The following ROGDI variants were observed in gnomAD, a reference collection of about 807,000 sequenced individuals.
The protein encoded by ROGDI is protein rogdi homolog.
In ROGDI, 46 loss-of-function variants were observed where a neutral mutation model predicts 43.1. The ratio of observed to expected loss-of-function variants is 1.07; its 90% CI spans 0.84 to 1.37. ROGDI has a LOEUF of 1.37. Among genes scored for constraint, ROGDI ranks in the 40% most tolerant of loss-of-function variants. ROGDI has a pLI of 0.00. For synonymous variants in ROGDI, 243 were observed against 162.0 expected (o/e 1.50, Z -3.80); for missense variants, 518 against 383.9 (o/e 1.35, Z -2.92).
At position 4,801,279 on chromosome 16, in the gene ROGDI, G is replaced by A. The variant is rs148051351; in HGVS notation, c.243C>T (p.Ala81=). The A allele has an allele frequency of 1.6e-4, 251 of 1,607,910 alleles. 1 individual carries two copies. The African/African-American group carries it at 2.3e-3, about 14-fold the overall frequency. ...CCGGGGGACTCACCGCCTGGCTGAGGGCATCCCCCTGCAGAGTCAGCACAC... is the reference window on the plus strand; with the variant it reads ...CCGGGGGACTCACCGCCTGGCTGAGAGCATCCCCCTGCAGAGTCAGCACAC... ...VKGVLTLQGD[A]LSQADVNLKM... The change falls in exon 4 of 11, where the codon GCC becomes GCT. Residue 81 remains alanine (A), a synonymous_variant. Transcript: ENST00000322048.
Position 4,802,594 on chromosome 16 carries a change from C to T in ROGDI, c.-23G>A. ...CATGGCCGCAGGCCGCCGCCGAGCG[C>T]CCTCCCCACCGGCCGCTGCTCCTGT... On this transcript the variant is annotated 5_prime_UTR_variant, in exon 1 of 11. Transcript: ENST00000322048. The T allele has an allele frequency of 7.7e-7, 1 of 1,302,286 alleles. No homozygotes were observed. Among genetic ancestry groups the T allele is most frequent in the Non-Finnish European group, 9.8e-7 (1 of 1,022,302 alleles). The allele number at this position is 1,302,286 out of a possible 1,614,324, so 80.7% of individuals were successfully genotyped here. A position where few individuals can be genotyped will look rare whatever the true frequency, so the allele number is the denominator to read the frequency against.
At position 4,798,549 on chromosome 16, in the gene ROGDI, G is replaced by T; in HGVS notation, c.531+20C>A. 6.6e-7 allele frequency: 1 copy of T among 1,522,970 alleles called. No individual in the cohort carries two copies. Among genetic ancestry groups the T allele is most frequent in the Non-Finnish European group, 8.8e-7 (1 of 1,136,626 alleles). 94.3% of individuals were successfully genotyped at this position (1,522,970 alleles called of 1,614,324 possible). A position where few individuals can be genotyped will look rare whatever the true frequency, so the allele number is the denominator to read the frequency against. ...CTGTGGGACCCCTCTCCTGCAGCAG[G>T]GGCTGGCAGGGGCACTGACCGTGAG... On this transcript the variant is annotated intron_variant, in intron 7 of 10. Coordinates refer to ENST00000322048, the MANE Select transcript of ROGDI (RefSeq NM_024589.3).
chr16:4,800,924 C>T (rs1007861671), intron 4 of ROGDI: 2 of 501,080 alleles, frequency 4.0e-6, no homozygotes, highest in Admixed American at 3.7e-5. Flanking sequence ...CCTCCCCCCA[C>T]GCCTTGGTGC....
chr16:4,801,464 G>A (rs1343517088), intron 3 of ROGDI, 39 bp downstream of exon 3: 3 of 1,582,762 alleles, frequency 1.9e-6, no homozygotes, highest in Non-Finnish European at 2.6e-6. Context: ...TACCCCCCAA[G>A]GTACCCATTT....
rs1476190772 is a variant in ROGDI at position 4,802,532 on chromosome 16, C to G, written c.40G>C (p.Val14Leu). 1 of 1,266,030 alleles carries G rather than the reference C, an allele frequency of 7.9e-7. No homozygotes were observed. Among genetic ancestry groups the G allele is most frequent in the African/African-American group, 1.6e-5 (1 of 64,246 alleles). The allele number at this position is 1,266,030 out of a possible 1,614,324, so 78.4% of individuals were successfully genotyped here. A position where few individuals can be genotyped will look rare whatever the true frequency, so the allele number is the denominator to read the frequency against. The change falls in exon 1 of 11, where the codon GTG (valine) becomes CTG (leucine). Residue 14 changes from valine (V) to leucine (L), a missense_variant. Physicochemically the swap from Val to Leu is conservative, Grantham distance 32. Transcript: ENST00000322048. Reference sequence around the variant, plus strand: ...CGCTGGCCCGCGCGCCTTACCAGCACCGCCCGCTCCGCCGCCGTCGCTGCC... The same window carrying G: ...CGCTGGCCCGCGCGCCTTACCAGCAGCGCCCGCTCCGCCGCCGTCGCTGCC... ...VMAATAAERA[V>L]LEEEFRWLLH... is the part of the protein sequence containing the mutation.
intron 4 of ROGDI, chr16:4,800,864 G>C (rs963267452): frequency 1.8e-6 from 1 of 544,104 alleles, no homozygotes; most frequent in Non-Finnish European, 3.3e-6. Context: ...TGTGCGAACG[G>C]GGTGCATCTA....
chr16:4,800,667 G>A (rs2141910920), intron 4 of ROGDI, 89 bp from the exon 5 acceptor site: 4 of 1,080,092 alleles, frequency 3.7e-6, no homozygotes, highest in Admixed American at 2.0e-5. Flanking sequence ...GCAGAAATGG[G>A]GTGTGTGGTG....
chr16:4,799,299 C>G (rs1201053540), intron 6 of ROGDI, among the ~76,000 whole-genome samples: 1 of 152,024 alleles, frequency 6.6e-6, no homozygotes, highest in East Asian at 1.9e-4. Context: ...CTATCTGGTT[C>G]TAAGTGTGAG....
At position 4,799,688 on chromosome 16, in the gene ROGDI, T is replaced by C. The variant is rs1202052854; in HGVS notation, c.430A>G (p.Lys144Glu). 2 of 1,612,058 alleles carry C rather than the reference T, an allele frequency of 1.2e-6. No individual in the cohort carries two copies. Among genetic ancestry groups the C allele is most frequent in the Non-Finnish European group, 1.7e-6 (2 of 1,178,722 alleles). The change falls in exon 6 of 11, where the codon AAG becomes GAG. Residue 144 changes from lysine (K) to glutamate (E), a missense_variant and splice_region_variant. Coordinates refer to ENST00000322048, the MANE Select transcript of ROGDI (RefSeq NM_024589.3). ...YQFKTGAEVL[K>E]LMDAVMLQLT... ...AGTCAGGCCCGGGGGCAGCTCACCT[T>C]GAGGACCTCAGCGCCCGTCTTGAAC...
At position 4,799,710 on chromosome 16, in the gene ROGDI, G is replaced by T; in HGVS notation, c.408C>A (p.Phe136Leu). The T allele has an allele frequency of 6.2e-7, 1 of 1,613,616 alleles. No homozygotes were observed. The highest frequency in any genetic ancestry group is 1.7e-4 in the Middle Eastern group (1 of 6,058). ...LLTSRDQSYQ[F>L]KTGAEVLKLM... ...CCTTGAGGACCTCAGCGCCCGTCTT[G>T]AACTGGTAGCTCTGGTCCCGGCTGG... is the stretch of plus-strand genomic sequence containing the variant. The change falls in exon 6 of 11, where the codon TTC (phenylalanine) becomes TTA (leucine). Residue 136 changes from phenylalanine (F) to leucine (L), a missense_variant. Phe to Leu is a conservative substitution (Grantham distance 22, BLOSUM62 0). Coordinates refer to ENST00000322048, the MANE Select transcript of ROGDI (RefSeq NM_024589.3).
At chr16:4,800,761 G>T in intron 4 of ROGDI, 183 bp from the exon 5 acceptor site, 2 of 591,338 alleles carry the variant, frequency 3.4e-6, no homozygotes, top group Non-Finnish European at 6.0e-6. Context: ...TCAGGAAACA[G>T]GAAACCAGGC....
rs373433527 is a variant in ROGDI at position 4,798,176 on chromosome 16, G to A, written c.540C>T (p.Phe180=). Residue 180 remains phenylalanine, a synonymous_variant, in exon 8 of 11, where the codon TTC becomes TTT. Transcript: ENST00000322048. The part of the protein sequence containing the change: ...EIAASGLTRM[F]APALPSDLLV... ...GCAGGTCGGACGGCAGGGCAGGGGC[G>A]AACATCCGCTGCGGGAGGCAGGTGG... 4.3e-6 allele frequency: 7 copies of A among 1,613,134 alleles called. No homozygotes were observed. The highest frequency in any genetic ancestry group is 2.2e-5 in the East Asian group (1 of 44,856).
chr16:4,800,618 C>G (rs1412486610), intron 4 of ROGDI, 40 bp from the exon 5 acceptor site: 2 of 1,457,386 alleles, frequency 1.4e-6, no homozygotes, highest in African/African-American at 1.4e-5. Context: ...AGTGGGGGGG[C>G]ACCTCCTGCC....
rs536087023 is a variant in ROGDI, at chr16:4,798,895, G to T, written c.433-228C>A. The stretch of plus-strand genomic sequence containing the variant: ...TCGGGATGGGGCTGATTCACTGCAC[G>T]GGGATCCTGGGTGCTGGATCAATGG... On this transcript the variant is annotated intron_variant, in intron 6 of 10. Transcript: ENST00000322048. 6 of 549,324 alleles carry T rather than the reference G, an allele frequency of 1.1e-5. No individual in the cohort carries two copies. In the Admixed American group the frequency reaches 2.2e-4, roughly 20 times the overall value. 34.0% of individuals were successfully genotyped at this position (549,324 alleles called of 1,614,324 possible). A position where few individuals can be genotyped will look rare whatever the true frequency, so the allele number is the denominator to read the frequency against.
At position 4,800,493 on chromosome 16, in the gene ROGDI, G is replaced by T; in HGVS notation, c.336+5C>A. Reference sequence around the variant, plus strand: ...CTGAGCACTAGCCAGGAGGGGCGGGGTCACCTGCTGCAGCTTCCACTGCTT... The same window carrying T: ...CTGAGCACTAGCCAGGAGGGGCGGGTTCACCTGCTGCAGCTTCCACTGCTT... On this transcript the variant is annotated splice_donor_5th_base_variant and intron_variant, in intron 5 of 10. Transcript: ENST00000322048. The T allele has an allele frequency of 6.4e-7, 1 of 1,552,984 alleles. No individual in the cohort carries two copies. Among genetic ancestry groups the T allele is most frequent in the Non-Finnish European group, 8.7e-7 (1 of 1,147,442 alleles).
Position 4,801,313 on chromosome 16 carries a change from T to C in ROGDI, c.209A>G (p.Gln70Arg), listed in dbSNP as rs1262735442. 7 of 1,607,538 alleles carry C rather than the reference T, an allele frequency of 4.4e-6. No homozygotes were observed. Reference protein sequence around the residue: ...NFILGSCGTDQVKGVLTLQGD... With the variant: ...NFILGSCGTDRVKGVLTLQGD... ...CTGCAGAGTCAGCACACCCTTCACC[T>C]GGTCTGTGCTGTAACATGTGGCGTC... Residue 70 changes from glutamine (Q) to arginine (R), a missense_variant, in exon 4 of 11, where the codon CAG (glutamine) becomes CGG (arginine). Physicochemically the swap from Gln to Arg is conservative, Grantham distance 43. Transcript: ENST00000322048.
chr16:4,802,081 G>A (rs893461313), intron 2 of ROGDI: 2 of 624,516 alleles, frequency 3.2e-6, no homozygotes, highest in African/African-American at 1.8e-5. Flanking sequence ...ACACTGCCAG[G>A]CAGAGGCAGA....
intron 1 of ROGDI, 27 bp downstream of exon 1, chr16:4,802,500 G>T: frequency 8.3e-7 from 1 of 1,210,398 alleles, no homozygotes; most frequent in African/African-American, 1.6e-5. Flanking sequence ...CGCCCCGCCG[G>T]CCCGCCCGCT....
At chr16:4,798,781 C>A in intron 6 of ROGDI, 114 bp from the exon 7 acceptor site, 4 of 868,666 alleles carry the variant, frequency 4.6e-6, no homozygotes, top group South Asian at 4.6e-5. Flanking sequence ...TTCCCAGGTC[C>A]CGAAACCCGG....
Sources: allele counts gnomAD v4.1 joint callset (sites outside exome capture counted in the v4.1 genomes callset), GRCh38; gene constraint gnomAD v4.1.1; transcripts MANE v1.5; gene names NCBI Gene and HGNC (gene_info 2026-07-23, HGNC 2026-07-21).